The following EPHB2 variants were observed in gnomAD, a reference collection of about 807,000 sequenced individuals.
EPHB2 encodes the protein EPH receptor B2.
EPHB2 carries 18 observed loss-of-function variants against 96.4 expected under a neutral mutation model. The ratio of observed to expected loss-of-function variants is 0.19; its 90% CI spans 0.13 to 0.28. The LOEUF (loss-of-function observed/expected upper bound fraction) is 0.28, where lower values mean the gene tolerates loss of function less well. EPHB2 is among the 10% of genes least tolerant of loss of function. The probability of loss-of-function intolerance (pLI) is 1.00; values close to 1 mark genes in which losing one functional copy is unlikely to be tolerated. For synonymous variants in EPHB2, 506 were observed against 534.1 expected (o/e 0.95, Z 0.72); for missense variants, 989 against 1,355.4 (o/e 0.73, Z 4.25).
intron 3 of EPHB2, among the ~76,000 whole-genome samples, chr1:22,810,087 A>G (rs1354492118): frequency 1.3e-5 from 2 of 152,264 alleles, no homozygotes; most frequent in South Asian, 2.1e-4. Context: ...GTGCTAGGGA[A>G]GTGACCCGGA....
At chr1:22,820,349 A>G (rs963283543) in intron 3 of EPHB2, among the ~76,000 whole-genome samples, 2 of 152,176 alleles carry the variant, frequency 1.3e-5, no homozygotes, top group Non-Finnish European at 2.9e-5. Flanking sequence ...TGAGAATAAT[A>G]ATAATGATAG....
intron 1 of EPHB2, among the ~76,000 whole-genome samples, chr1:22,752,692 G>A (rs1012729543): frequency 1.3e-5 from 2 of 151,048 alleles, no homozygotes; most frequent in Non-Finnish European, 2.9e-5. Context: ...ATATGTGCAT[G>A]TAAATACATT....
intron 9 of EPHB2, among the ~76,000 whole-genome samples, chr1:22,901,810 T>TGTGTATGTGA (rs1553176875): frequency 1.8e-5 from 2 of 112,022 alleles, no homozygotes; most frequent in Non-Finnish European, 4.1e-5. Context: ...ACTTCGTGTG[T>TGTGTATGTGA]GTGTGTGTGA....
In EPHB2 at chr1:22,906,504, G is replaced by C. The variant is rs529344100; in HGVS notation, c.1889-206G>C. On this transcript the variant is annotated intron_variant, in intron 10 of 15. Coordinates refer to ENST00000374630, the MANE Select transcript of EPHB2 (RefSeq NM_017449.5). The surrounding 1 kb of genome is among the most constrained non-coding windows in gnomAD (Gnocchi z 4.8). ...CCAGGGATAACCAGAGAACAACCATGAGGAATTTACTGTCCTCTCCCAGAG... is the reference window on the plus strand; with the variant it reads ...CCAGGGATAACCAGAGAACAACCATCAGGAATTTACTGTCCTCTCCCAGAG... Among the ~76,000 whole-genome samples the C allele has an allele frequency of 6.6e-6, 1 of 152,262 alleles. No homozygotes were observed. Among genetic ancestry groups the C allele is most frequent in the South Asian group, 2.1e-4 (1 of 4,818 alleles).
intron 5 of EPHB2, among the ~76,000 whole-genome samples, chr1:22,878,385 C>T (rs576906740): frequency 1.2e-4 from 18 of 152,354 alleles, no homozygotes; most frequent in African/African-American, 4.3e-4. Flanking sequence ...TGGTGCCCAT[C>T]CTGGGACAGG....
intron 5 of EPHB2, among the ~76,000 whole-genome samples, chr1:22,876,440 C>T (rs970039166): frequency 2.0e-5 from 3 of 152,090 alleles, no homozygotes; most frequent in Non-Finnish European, 4.4e-5. Flanking sequence ...GCTCCTTCCC[C>T]AAGTCTCAGC....
At chr1:22,831,076 C>T (rs1645297185) in intron 3 of EPHB2, among the ~76,000 whole-genome samples, 2 of 152,148 alleles carry the variant, frequency 1.3e-5, no homozygotes, top group Non-Finnish European at 2.9e-5. Flanking sequence ...ACCTGGGATG[C>T]CAGGCAGGCA....
At chr1:22,862,556 T>C (rs886749760) in intron 3 of EPHB2, among the ~76,000 whole-genome samples, 14 of 152,218 alleles carry the variant, frequency 9.2e-5, no homozygotes, top group African/African-American at 2.9e-4. Context: ...ATTCCAAAAG[T>C]AGTGTCCTCC....
chr1:22,746,721 T>G (rs1406811013), intron 1 of EPHB2, among the ~76,000 whole-genome samples: 1 of 152,180 alleles, frequency 6.6e-6, no homozygotes, highest in East Asian at 1.9e-4. Flanking sequence ...AGGCCTCACC[T>G]CCACCTTTCA....
intron 9 of EPHB2, among the ~76,000 whole-genome samples, chr1:22,898,857 C>T (rs1400057607): frequency 6.6e-6 from 1 of 152,190 alleles, no homozygotes; most frequent in Non-Finnish European, 1.5e-5. Context: ...AGTCTAGGAG[C>T]TCCAGGTACG....
chr1:22,878,131 T>C (rs1158430641), intron 5 of EPHB2, among the ~76,000 whole-genome samples: 1 of 151,892 alleles, frequency 6.6e-6, no homozygotes, highest in Non-Finnish European at 1.5e-5. Flanking sequence ...TCCCTGAAGG[T>C]GGTGTGAATG....
intron 3 of EPHB2, among the ~76,000 whole-genome samples, chr1:22,820,706 C>T (rs80352146): frequency 0.013 from 1,974 of 152,298 alleles, 24 homozygotes; most frequent in Middle Eastern, 0.031. Flanking sequence ...CTATTATTTA[C>T]TGAGCCCTTA....
intron 5 of EPHB2, among the ~76,000 whole-genome samples, chr1:22,878,631 G>T (rs188714046): frequency 3.5e-4 from 53 of 152,336 alleles, no homozygotes; most frequent in Middle Eastern, 6.8e-3. Flanking sequence ...TCCTGGCCAG[G>T]TGAGGGTTCC....
intron 9 of EPHB2, among the ~76,000 whole-genome samples, chr1:22,904,994 G>A (rs1202151772): frequency 6.6e-6 from 1 of 152,220 alleles, no homozygotes; most frequent in Non-Finnish European, 1.5e-5. Context: ...AGGAGAATGT[G>A]AGCAGGATGC....
chr1:22,770,779 G>A (rs1051992531), intron 1 of EPHB2, among the ~76,000 whole-genome samples: 2 of 152,128 alleles, frequency 1.3e-5, no homozygotes, highest in Admixed American at 6.5e-5. Flanking sequence ...GGTTGGTTCA[G>A]TAGGAATATG....
chr1:22,830,834 C>T (rs560981595), intron 3 of EPHB2, among the ~76,000 whole-genome samples: 2 of 152,326 alleles, frequency 1.3e-5, no homozygotes, highest in South Asian at 2.1e-4. Context: ...GAATTACAGG[C>T]ATGAGCCACC....
chr1:22,836,109 C>T (rs1473994124), intron 3 of EPHB2: 1 of 152,258 alleles, frequency 6.6e-6, no homozygotes, highest in Admixed American at 6.5e-5. Context: ...GGCCCAGGGG[C>T]TCGGGGGCCC....
At chr1:22,787,079 G>C (rs1043921202) in intron 3 of EPHB2, among the ~76,000 whole-genome samples, 1 of 152,226 alleles carries the variant, frequency 6.6e-6, no homozygotes, top group Non-Finnish European at 1.5e-5. Context: ...GCATCAGGCA[G>C]TACAGAGAAG....
At chr1:22,730,556 G>A (rs1015201391) in intron 1 of EPHB2, among the ~76,000 whole-genome samples, 4 of 152,126 alleles carry the variant, frequency 2.6e-5, no homozygotes, top group African/African-American at 4.8e-5. Flanking sequence ...GAGGGCCAGC[G>A]AGAGGAGGGA....
Sources: allele counts gnomAD v4.1 joint callset (sites outside exome capture counted in the v4.1 genomes callset), GRCh38; gene constraint gnomAD v4.1.1; non-coding constraint Gnocchi (gnomAD v3.1); transcripts MANE v1.5; gene names NCBI Gene and HGNC (gene_info 2026-07-23, HGNC 2026-07-21).